Variants in KIF26B observed in about 807,000 individuals in gnomAD.
The protein encoded by KIF26B is kinesin family member 26B.
A neutral mutation model predicts 151.2 loss-of-function variants in KIF26B; 63 were observed. The ratio of observed to expected loss-of-function variants is 0.42; its 90% CI spans 0.34 to 0.51. KIF26B has a LOEUF of 0.51. KIF26B is among the 20% of genes least tolerant of loss of function. The probability of loss-of-function intolerance (pLI) is 0.07; values close to 1 mark genes in which losing one functional copy is unlikely to be tolerated. For synonymous variants in KIF26B, 1,357 were observed against 1,262.1 expected (o/e 1.08, Z -1.59); for missense variants, 2,813 against 2,913.6 (o/e 0.97, Z 0.79).
chr1:245,326,554 C>A (rs1292009718), intron 2 of KIF26B, among the ~76,000 whole-genome samples: 3 of 152,194 alleles, frequency 2.0e-5, no homozygotes, highest in Non-Finnish European at 2.9e-5. Context: ...GTGGCCTCAT[C>A]ATGCTCAGAA....
At chr1:245,216,478 A>T (rs544945891) in intron 2 of KIF26B, among the ~76,000 whole-genome samples, 2 of 151,544 alleles carry the variant, frequency 1.3e-5, no homozygotes, top group African/African-American at 4.9e-5. Context: ...GCACCAAACT[A>T]TTAAAAATAA....
At chr1:245,561,078 C>G (rs1368792412) in intron 5 of KIF26B, among the ~76,000 whole-genome samples, 1 of 152,184 alleles carries the variant, frequency 6.6e-6, no homozygotes, top group East Asian at 1.9e-4. Flanking sequence ...AGGCCAGTCA[C>G]CAGGTGACCT....
At chr1:245,376,301 C>T (rs774999782) in intron 3 of KIF26B, among the ~76,000 whole-genome samples, 6 of 152,102 alleles carry the variant, frequency 3.9e-5, no homozygotes, top group Non-Finnish European at 8.8e-5. Flanking sequence ...GCTGGTATCA[C>T]GTTTTATCTG....
chr1:245,163,176 C>T (rs560925746), intron 2 of KIF26B, among the ~76,000 whole-genome samples: 1 of 152,340 alleles, frequency 6.6e-6, no homozygotes, highest in East Asian at 1.9e-4. Flanking sequence ...TGTTCTCACT[C>T]TGTTGTCCAG....
intron 2 of KIF26B, among the ~76,000 whole-genome samples, chr1:245,217,038 C>CACAGG (rs1159290896): frequency 6.6e-6 from 1 of 152,164 alleles, no homozygotes; most frequent in Non-Finnish European, 1.5e-5. Flanking sequence ...CAGAGGCATC[C>CACAGG]CGCCCACAGG....
intron 4 of KIF26B, among the ~76,000 whole-genome samples, chr1:245,507,785 C>T (rs772374851): frequency 7.9e-5 from 12 of 152,168 alleles, no homozygotes; most frequent in East Asian, 1.9e-4. Context: ...CACAGCACTA[C>T]GTAAGCTGCT....
rs546560664 is a variant in KIF26B at position 245,234,021 on chromosome 1, T to A, written c.465+77338T>A. Among the ~76,000 whole-genome samples the A allele has an allele frequency of 2.6e-5, 4 of 152,022 alleles. No homozygotes were observed. The South Asian group carries it at 8.3e-4, about 32-fold the overall frequency. On this transcript the variant is annotated intron_variant, in intron 2 of 14. Transcript: ENST00000407071. ...CAACGTGGTAAAACCCTGTCTCTAC[T>A]AAAAATACAAAAATTAGCTGGGCAT...
chr1:245,468,000 T>C (rs958490157), intron 4 of KIF26B, among the ~76,000 whole-genome samples: 1 of 150,132 alleles, frequency 6.7e-6, no homozygotes, highest in Non-Finnish European at 1.5e-5. Flanking sequence ...AGAGCCAGGT[T>C]GAACACCCCT....
At position 245,367,154 on chromosome 1, in the gene KIF26B, C is replaced by A; in HGVS notation, c.786C>A (p.Asn262Lys). ...CATSNYTGFANKHGSKPSSLG... is the reference protein window; with the variant it reads ...CATSNYTGFAKKHGSKPSSLG... ...CCTCCAACTACACAGGCTTCGCCAA[C>A]AAGCACGGCAGCAAACCCAGCAGCC... is the stretch of plus-strand genomic sequence containing the variant. The change falls in exon 3 of 15, where the codon AAC (asparagine) becomes AAA (lysine). Residue 262 changes from asparagine to lysine, a missense_variant. This residue lies in a region of KIF26B where 676 missense variants were observed against 688.1 expected (regional missense o/e 0.98). Coordinates refer to ENST00000407071, the MANE Select transcript of KIF26B (RefSeq NM_018012.4). The surrounding 1 kb of genome is among the most constrained non-coding windows in gnomAD (Gnocchi z 4.2). The A allele has an allele frequency of 6.2e-7, 1 of 1,603,974 alleles. No individual in the cohort carries two copies. Among genetic ancestry groups the A allele is most frequent in the Non-Finnish European group, 8.5e-7 (1 of 1,175,214 alleles).
At chr1:245,508,326 C>T (rs537719122) in intron 4 of KIF26B, among the ~76,000 whole-genome samples, 14 of 152,258 alleles carry the variant, frequency 9.2e-5, no homozygotes, top group African/African-American at 3.1e-4. Context: ...CTGCAAGCTC[C>T]GCCTCCTGGG....
chr1:245,248,855 A>T (rs1227240315), intron 2 of KIF26B, among the ~76,000 whole-genome samples: 1 of 152,202 alleles, frequency 6.6e-6, no homozygotes, highest in African/African-American at 2.4e-5. Context: ...TGTACCTCCG[A>T]GTGGAAACCA....
intron 4 of KIF26B, among the ~76,000 whole-genome samples, chr1:245,521,718 T>C (rs1661115193): frequency 6.6e-6 from 1 of 152,234 alleles, no homozygotes; most frequent in Admixed American, 6.5e-5. Context: ...GTGCTCACTA[T>C]AGACAAGGCA....
chr1:245,456,278 A>G (rs12750426), intron 4 of KIF26B, among the ~76,000 whole-genome samples: 34,099 of 152,190 alleles, frequency 0.22, 4,415 homozygotes, highest in East Asian at 0.3. Flanking sequence ...TTATCGTTGT[A>G]TATTTAAGTG....
chr1:245,648,549 G>C lies in KIF26B; in HGVS notation c.2258+2269G>C, dbSNP rs991187554. Among the ~76,000 whole-genome samples the C allele has an allele frequency of 1.2e-4, 18 of 151,972 alleles. No individual in the cohort carries two copies. The South Asian group carries it at 3.5e-3, about 30-fold the overall frequency. Reference sequence around the variant, plus strand: ...ACTTGGGAGGCTGAGGTGGAAGGGTGGCTTGAGTCCAGGAGGCAGAGGCTG... The same window carrying C: ...ACTTGGGAGGCTGAGGTGGAAGGGTCGCTTGAGTCCAGGAGGCAGAGGCTG... On this transcript the variant is annotated intron_variant, in intron 10 of 14. Transcript: ENST00000407071.
Position 245,684,412 on chromosome 1 carries a change from G to GT in KIF26B, c.2421+18dup, listed in dbSNP as rs775858932. The GT allele has an allele frequency of 3.3e-5, 51 of 1,565,662 alleles. No individual in the cohort carries two copies. Among genetic ancestry groups the GT allele is most frequent in the Admixed American group, 5.6e-5 (3 of 53,696 alleles). On this transcript the variant is annotated intron_variant, in intron 11 of 14. Coordinates refer to ENST00000407071, the MANE Select transcript of KIF26B (RefSeq NM_018012.4). ...AAGACGAAGGTAAGGAGCTCGCGGGGTGGGGGGGTGGTGGATGAGGGAGCC... is the reference window on the plus strand; with the variant it reads ...AAGACGAAGGTAAGGAGCTCGCGGGGTTGGGGGGGTGGTGGATGAGGGAGCC...
chr1:245,279,608 C>T (rs1264494634), intron 2 of KIF26B, among the ~76,000 whole-genome samples: 1 of 152,092 alleles, frequency 6.6e-6, no homozygotes, highest in Admixed American at 6.6e-5. Context: ...CGTGCCCAGA[C>T]TACATTTACT....
chr1:245,330,979 G>A (rs1264350827), intron 2 of KIF26B, among the ~76,000 whole-genome samples: 1 of 152,008 alleles, frequency 6.6e-6, no homozygotes, highest in Non-Finnish European at 1.5e-5. Context: ...GAACGGGGGC[G>A]GTTAGAGATT....
At chr1:245,272,249 A>T (rs1426629761) in intron 2 of KIF26B, among the ~76,000 whole-genome samples, 2 of 151,316 alleles carry the variant, frequency 1.3e-5, no homozygotes, top group Non-Finnish European at 2.9e-5. Context: ...CTTTTTTCTT[A>T]GTTAGTCTGC....
At chr1:245,527,902 G>A (rs1271536926) in intron 4 of KIF26B, among the ~76,000 whole-genome samples, 1 of 151,954 alleles carries the variant, frequency 6.6e-6, no homozygotes, top group Non-Finnish European at 1.5e-5. Flanking sequence ...TTTAATTTAT[G>A]TATTAAGCCC....
Sources: allele counts gnomAD v4.1 joint callset (sites outside exome capture counted in the v4.1 genomes callset), GRCh38; gene constraint gnomAD v4.1.1; regional missense constraint gnomAD v4.1.1; non-coding constraint Gnocchi (gnomAD v3.1); transcripts MANE v1.5; gene names NCBI Gene and HGNC (gene_info 2026-07-23, HGNC 2026-07-21).